The following COBL variants were observed in gnomAD, a reference collection of about 807,000 sequenced individuals.
COBL encodes cordon-bleu WH2 repeat protein.
In COBL, 51 loss-of-function variants were observed where a neutral mutation model predicts 98.8. That is an observed-to-expected ratio of 0.52 (90% CI 0.41 to 0.65). The LOEUF (loss-of-function observed/expected upper bound fraction) is 0.65. Ranked by LOEUF, COBL falls within the 30% of genes least tolerant of loss-of-function variation. The pLI is 0.00. For missense variants in COBL, 1,617 were observed against 1,617.5 expected, an observed-to-expected ratio of 1.00 and a Z score of 0.01; for synonymous variants, 634 against 651.7, an observed-to-expected ratio of 0.97 and a Z score of 0.41.
At chr7:51,070,506 T>C (rs1792431725) in intron 7 of COBL, among the ~76,000 whole-genome samples, 1 of 152,150 alleles carries the variant, frequency 6.6e-6, no homozygotes, top group African/African-American at 2.4e-5. Flanking sequence ...TTGGTTATGA[T>C]GACTCAAGAC....
At chr7:51,124,627 A>G (rs1008786093) in intron 6 of COBL, among the ~76,000 whole-genome samples, 1 of 152,132 alleles carries the variant, frequency 6.6e-6, no homozygotes, top group Non-Finnish European at 1.5e-5. Flanking sequence ...CTATGTCGTA[A>G]TCTACCCAAA....
At chr7:51,101,530 T>C (rs546050933) in intron 6 of COBL, among the ~76,000 whole-genome samples, 3 of 152,194 alleles carry the variant, frequency 2.0e-5, no homozygotes, top group Admixed American at 6.5e-5. Context: ...TCTAAGCCCA[T>C]CCTCTTTAAC....
At chr7:51,082,471 T>C (rs919126449) in intron 7 of COBL, among the ~76,000 whole-genome samples, 1 of 152,142 alleles carries the variant, frequency 6.6e-6, no homozygotes, top group African/African-American at 2.4e-5. Flanking sequence ...GAGAGCCCCA[T>C]CTCAAACAGG....
At chr7:51,122,410 T>A (rs962092847) in intron 6 of COBL, among the ~76,000 whole-genome samples, 9 of 152,178 alleles carry the variant, frequency 5.9e-5, no homozygotes, top group Non-Finnish European at 8.8e-5. Flanking sequence ...CTGAACACAA[T>A]GCTGTCCTCA....
At chr7:51,076,330 A>T (rs1278839274) in intron 7 of COBL, among the ~76,000 whole-genome samples, 1 of 152,234 alleles carries the variant, frequency 6.6e-6, no homozygotes, top group Non-Finnish European at 1.5e-5. Flanking sequence ...GCCATCAGCC[A>T]AATTCCCGTC....
chr7:51,241,152 GT>G (rs1172348816), intron 1 of COBL, among the ~76,000 whole-genome samples: 1 of 152,196 alleles, frequency 6.6e-6, no homozygotes, highest in Non-Finnish European at 1.5e-5. Flanking sequence ...ACCATCTGTT[GT>G]TTTTTAAGGA....
At chr7:51,156,933 G>A (rs1022613819) in intron 5 of COBL, among the ~76,000 whole-genome samples, 4 of 152,142 alleles carry the variant, frequency 2.6e-5, no homozygotes, top group Non-Finnish European at 5.9e-5. Context: ...CAGCTTAGCT[G>A]AGGCTTTGCC....
chr7:51,161,206 A>G (rs1216294467), intron 5 of COBL, among the ~76,000 whole-genome samples: 1 of 152,140 alleles, frequency 6.6e-6, no homozygotes, highest in Non-Finnish European at 1.5e-5. Flanking sequence ...GTGTGTGACA[A>G]CACTGCCACC....
intron 1 of COBL, among the ~76,000 whole-genome samples, chr7:51,306,187 G>C (rs1802458565): frequency 6.6e-6 from 1 of 152,160 alleles, no homozygotes; most frequent in Non-Finnish European, 1.5e-5. Flanking sequence ...CGGCTTGGAA[G>C]TGCCACACAC....
intron 1 of COBL, among the ~76,000 whole-genome samples, chr7:51,234,226 C>A (rs1209786254): frequency 6.6e-6 from 1 of 152,222 alleles, no homozygotes; most frequent in East Asian, 1.9e-4. Context: ...CCCAGAGGAT[C>A]CCTGGGCTGG....
At chr7:51,117,256 A>G (rs1219551601) in intron 6 of COBL, among the ~76,000 whole-genome samples, 3 of 152,044 alleles carry the variant, frequency 2.0e-5, no homozygotes, top group Non-Finnish European at 2.9e-5. Context: ...TTGTCTCACA[A>G]AATGTAAAAA....
At chr7:51,126,112 G>C (rs762226801) in intron 6 of COBL, among the ~76,000 whole-genome samples, 1 of 152,182 alleles carries the variant, frequency 6.6e-6, no homozygotes, top group Non-Finnish European at 1.5e-5. Flanking sequence ...CAGATTACTT[G>C]AGGTCAGGAG....
intron 6 of COBL, among the ~76,000 whole-genome samples, chr7:51,118,806 C>G (rs1448769705): frequency 6.6e-6 from 1 of 151,772 alleles, no homozygotes; most frequent in African/African-American, 2.4e-5. Flanking sequence ...CCAAATATCC[C>G]TCCTACATTC....
chr7:51,198,850 G>A (rs1790837666), intron 2 of COBL, among the ~76,000 whole-genome samples: 1 of 152,226 alleles, frequency 6.6e-6, no homozygotes. Flanking sequence ...AAGTTCCTTT[G>A]TAAGAGCTTT....
At chr7:51,233,128 T>G (rs1288870269) in intron 1 of COBL, among the ~76,000 whole-genome samples, 1 of 152,244 alleles carries the variant, frequency 6.6e-6, no homozygotes, top group Non-Finnish European at 1.5e-5. Context: ...AAAAATTATT[T>G]AATGGCTTCA....
intron 7 of COBL, among the ~76,000 whole-genome samples, chr7:51,078,262 G>C (rs902755435): frequency 6.6e-6 from 1 of 152,148 alleles, no homozygotes; most frequent in Admixed American, 6.5e-5. Context: ...TTCTGGGAAA[G>C]GTTTCCTTTC....
At chr7:51,133,888 C>A (rs993199818) in intron 6 of COBL, among the ~76,000 whole-genome samples, 2 of 152,092 alleles carry the variant, frequency 1.3e-5, no homozygotes, top group Admixed American at 6.6e-5. Flanking sequence ...TGGAGGATGG[C>A]TAATATTATC....
At chr7:51,055,434 A>G (rs1562851154) in intron 7 of COBL, among the ~76,000 whole-genome samples, 1 of 152,244 alleles carries the variant, frequency 6.6e-6, no homozygotes, top group Non-Finnish European at 1.5e-5. Flanking sequence ...AGCAGGGCAC[A>G]GGGTCAATGC....
chr7:51,255,362 C>A (rs938248927), intron 1 of COBL, among the ~76,000 whole-genome samples: 2 of 152,176 alleles, frequency 1.3e-5, no homozygotes, highest in African/African-American at 4.8e-5. Flanking sequence ...CATCAACAAC[C>A]ACAATGCAGC....
Sources: allele counts gnomAD v4.1 joint callset (sites outside exome capture counted in the v4.1 genomes callset), GRCh38; gene constraint gnomAD v4.1.1; transcripts MANE v1.5; gene names NCBI Gene and HGNC (gene_info 2026-07-23, HGNC 2026-07-21).